The following RFX4 variants were observed in gnomAD, a reference collection of about 807,000 sequenced individuals.
The protein encoded by RFX4 is regulatory factor X4, also known as transcription factor RFX4.
In RFX4, 10 loss-of-function variants were observed where a neutral mutation model predicts 95.0. That is an observed-to-expected ratio of 0.11 (90% CI 0.06 to 0.18). The LOEUF is 0.18. RFX4 is among the 10% of genes least tolerant of loss of function. RFX4 has a pLI of 1.00. For missense variants in RFX4, 640 were observed against 922.0 expected (o/e 0.69, Z 3.96); for synonymous variants, 321 against 340.7 (o/e 0.94, Z 0.64).
intron 17 of RFX4, among the ~76,000 whole-genome samples, chr12:106,759,430 A>G (rs2043170962): frequency 6.6e-6 from 1 of 152,152 alleles, no homozygotes. Context: ...AACCTTTTTG[A>G]AAAAGTAAGG....
intron 17 of RFX4, among the ~76,000 whole-genome samples, chr12:106,752,874 T>G (rs915646266): frequency 6.6e-6 from 1 of 152,144 alleles, no homozygotes; most frequent in Non-Finnish European, 1.5e-5. Flanking sequence ...AACACTTCCC[T>G]GTGCCTTGGC....
chr12:106,750,108 G>A (rs2042971205), intron 16 of RFX4, among the ~76,000 whole-genome samples: 1 of 152,124 alleles, frequency 6.6e-6, no homozygotes, highest in Non-Finnish European at 1.5e-5. Context: ...TCTTCTAGGT[G>A]TTGAGGGAGA....
intron 2 of RFX4, among the ~76,000 whole-genome samples, chr12:106,610,965 C>A (rs1236057824): frequency 1.3e-5 from 2 of 152,000 alleles, no homozygotes; most frequent in Non-Finnish European, 2.9e-5. Context: ...TTGCCACTTC[C>A]TAGTCATCAT....
At chr12:106,715,601 G>T (rs987702403) in intron 11 of RFX4, 57 bp downstream of exon 11, 2 of 1,594,320 alleles carry the variant, frequency 1.3e-6, no homozygotes, top group African/African-American at 1.3e-5. Context: ...GAAAGAAAAA[G>T]TGTCTTAGTA....
chr12:106,632,118 T>C (rs966514725), intron 2 of RFX4, among the ~76,000 whole-genome samples: 1 of 152,060 alleles, frequency 6.6e-6, no homozygotes, highest in African/African-American at 2.4e-5. Context: ...GCCTGGAAAT[T>C]TGGCCCCAGA....
intron 13 of RFX4, among the ~76,000 whole-genome samples, chr12:106,722,258 G>A (rs1592981644): frequency 2.0e-5 from 3 of 152,324 alleles, no homozygotes; most frequent in African/African-American, 7.2e-5. Flanking sequence ...CCAAGTCAGA[G>A]AATCAACAAT....
intron 3 of RFX4, among the ~76,000 whole-genome samples, chr12:106,651,091 C>T (rs2040848792): frequency 6.6e-6 from 1 of 152,116 alleles, no homozygotes; most frequent in South Asian, 2.1e-4. Context: ...CATTTAAAGA[C>T]TCCCTCCACC....
intron 15 of RFX4, among the ~76,000 whole-genome samples, chr12:106,743,079 G>A (rs1008686517): frequency 6.6e-6 from 1 of 152,108 alleles, no homozygotes; most frequent in Non-Finnish European, 1.5e-5. Context: ...AATACTGTAA[G>A]GTGACCAACA....
chr12:106,686,177 C>G (rs2041640141), intron 5 of RFX4, among the ~76,000 whole-genome samples: 1 of 152,094 alleles, frequency 6.6e-6, no homozygotes, highest in Non-Finnish European at 1.5e-5. Context: ...CTTTGGGAGG[C>G]CAAGGTGGGC....
intron 1 of RFX4, among the ~76,000 whole-genome samples, chr12:106,602,222 A>G (rs1178747952): frequency 6.6e-6 from 1 of 152,216 alleles, no homozygotes; most frequent in Non-Finnish European, 1.5e-5. Context: ...GAGATGAAGC[A>G]TGTGGAGCGG....
intron 2 of RFX4, among the ~76,000 whole-genome samples, chr12:106,612,173 G>A (rs1224377244): frequency 6.6e-6 from 1 of 152,118 alleles, no homozygotes; most frequent in African/African-American, 2.4e-5. Context: ...GATAGGTGTT[G>A]CATTGAATCT....
intron 5 of RFX4, among the ~76,000 whole-genome samples, chr12:106,686,443 A>G (rs1831342614): frequency 6.6e-6 from 1 of 151,980 alleles, no homozygotes. Context: ...GAAAGAAAAA[A>G]GAAAAGGAAA....
chr12:106,734,047 T>C (rs568172935), intron 15 of RFX4, among the ~76,000 whole-genome samples: 9 of 152,306 alleles, frequency 5.9e-5, no homozygotes, highest in African/African-American at 2.2e-4. Context: ...TTGAAGATAG[T>C]ATGCTTAATG....
At chr12:106,641,640 C>T (rs1216074979) in intron 3 of RFX4, among the ~76,000 whole-genome samples, 1 of 152,204 alleles carries the variant, frequency 6.6e-6, no homozygotes, top group Non-Finnish European at 1.5e-5. Context: ...CAAGGTCAGA[C>T]AGTGAATTTT....
At chr12:106,608,617 G>T (rs757248584) in intron 1 of RFX4, among the ~76,000 whole-genome samples, 180 bp from the exon 2 acceptor site, 2 of 152,200 alleles carry the variant, frequency 1.3e-5, no homozygotes, top group Non-Finnish European at 2.9e-5. Flanking sequence ...AGCAGCAATG[G>T]TGCACATGGA....
At chr12:106,644,553 A>AT (rs1354886162) in intron 3 of RFX4, among the ~76,000 whole-genome samples, 1 of 152,094 alleles carries the variant, frequency 6.6e-6, no homozygotes, top group African/African-American at 2.4e-5. Context: ...TTTGATGAAC[A>AT]TTTAAGTTTT....
chr12:106,734,322 G>A (rs748084704), intron 15 of RFX4, among the ~76,000 whole-genome samples: 24 of 152,138 alleles, frequency 1.6e-4, no homozygotes, highest in African/African-American at 2.7e-4. Flanking sequence ...TATACTGGGC[G>A]TGGTGGCTCA....
Position 106,688,769 on chromosome 12 carries a change from A to AT in RFX4, c.592-507dup, listed in dbSNP as rs34245956. Among the ~76,000 whole-genome samples the AT allele has an allele frequency of 1.0e-4, 15 of 150,348 alleles. No homozygotes were observed. The South Asian group carries it at 1.1e-3, about 11-fold the overall frequency. On this transcript the variant is annotated intron_variant, in intron 6 of 17. Coordinates refer to ENST00000392842, the MANE Select transcript of RFX4 (RefSeq NM_213594.3). ...ATTGGATAAATGGAGGGGGAGATTA[A>AT]TTTTTTTTTTTATTTTTGCTAAGCA...
At chr12:106,688,475 G>A (rs2137425915) in intron 6 of RFX4, among the ~76,000 whole-genome samples, 1 of 152,268 alleles carries the variant, frequency 6.6e-6, no homozygotes. Flanking sequence ...ATGCAGTGAA[G>A]AATGAGATGA....
Sources: allele counts gnomAD v4.1 joint callset (sites outside exome capture counted in the v4.1 genomes callset), GRCh38; gene constraint gnomAD v4.1.1; transcripts MANE v1.5; gene names NCBI Gene and HGNC (gene_info 2026-07-23, HGNC 2026-07-21).